Variants in KIAA1217 observed in about 807,000 individuals in gnomAD.
KIAA1217 encodes the protein sickle tail protein homolog.
Under a neutral mutation model 163.9 loss-of-function variants are expected in KIAA1217, and 88 were observed. The observed-to-expected ratio is 0.54, with a 90% confidence interval of 0.45 to 0.64. The LOEUF is 0.64. Among genes scored for constraint, KIAA1217 ranks in the 30% least tolerant of loss-of-function variants. KIAA1217 has a pLI of 0.00. For synonymous variants in KIAA1217, 903 were observed against 923.1 expected, an observed-to-expected ratio of 0.98 and a Z score of 0.39; for missense variants, 2,372 against 2,475.0, an observed-to-expected ratio of 0.96 and a Z score of 0.88.
intron 2 of KIAA1217, among the ~76,000 whole-genome samples, chr10:24,276,687 G>A (rs1312317279): frequency 6.7e-6 from 1 of 150,132 alleles, no homozygotes; most frequent in East Asian, 2.0e-4. Flanking sequence ...TCGGCTCACA[G>A]CAACCTCTGT....
rs1174739602 is a variant in KIAA1217, at chr10:24,546,285, A to C, written c.5793A>C (p.Ser1931=). Residue 1931 remains serine (S), a synonymous_variant, in exon 21 of 21, where the codon TCA becomes TCC. Transcript: ENST00000376454. ...GCTACAAGGCACAGAATGGAAGTTC[A>C]AGCAAAGCCACCCCATCCACAGCAA... ...LTSYKAQNGS[S]SKATPSTAKE... 23 of 1,612,428 alleles carry C rather than the reference A, an allele frequency of 1.4e-5. No individual in the cohort carries two copies. The highest frequency in any genetic ancestry group is 2.0e-5 in the Non-Finnish European group (23 of 1,178,922).
chr10:24,541,339 A>T (rs925343938), intron 17 of KIAA1217, among the ~76,000 whole-genome samples: 23 of 151,934 alleles, frequency 1.5e-4, no homozygotes, highest in African/African-American at 5.3e-4. Flanking sequence ...CTGGGGAGCA[A>T]GCAGAAGTAA....
intron 1 of KIAA1217, among the ~76,000 whole-genome samples, chr10:23,844,540 T>A (rs549873888): frequency 3.3e-5 from 5 of 152,266 alleles, no homozygotes; most frequent in South Asian, 4.1e-4. Flanking sequence ...AGCATTTGTT[T>A]ATGTTCACCA....
intron 2 of KIAA1217, among the ~76,000 whole-genome samples, chr10:24,294,400 C>T (rs910035581): frequency 6.6e-6 from 1 of 152,032 alleles, no homozygotes; most frequent in Non-Finnish European, 1.5e-5. Flanking sequence ...TAGTGGTTTA[C>T]AGACTCCAGT....
chr10:24,520,001 A>G, intron 10 of KIAA1217, 122 bp from the exon 11 acceptor site: 2 of 1,128,138 alleles, frequency 1.8e-6, no homozygotes, highest in Non-Finnish European at 2.5e-6. Context: ...ACCACACGAA[A>G]GGCAGGGGGG....
At chr10:24,207,283 CACA>C (rs2067613484), upstream of KIAA1217, among the ~76,000 whole-genome samples, 7 of 5,612 alleles carry the variant, frequency 1.2e-3, no homozygotes, top group African/African-American at 0.011. Flanking sequence ...CTCTCTCTCT[CACA>C]CACACACACA....
chr10:24,168,853 G>A (rs1453433248), intron 2 of KIAA1217, among the ~76,000 whole-genome samples: 1 of 152,186 alleles, frequency 6.6e-6, no homozygotes, highest in South Asian at 2.1e-4. Context: ...TTAAGCAAAG[G>A]AAACTCCAGA....
intron 2 of KIAA1217, among the ~76,000 whole-genome samples, chr10:24,047,103 C>A (rs571538243): frequency 6.6e-6 from 1 of 152,262 alleles, no homozygotes; most frequent in South Asian, 2.1e-4. Context: ...AAATGCATCA[C>A]AAAACTGTAA....
chr10:24,241,872 A>G (rs2073149324), intron 2 of KIAA1217, among the ~76,000 whole-genome samples: 1 of 152,202 alleles, frequency 6.6e-6, no homozygotes, highest in Non-Finnish European at 1.5e-5. Context: ...AGAATTATTC[A>G]GGTTCCACAC....
At chr10:24,271,962 C>G (rs1249797771) in intron 2 of KIAA1217, among the ~76,000 whole-genome samples, 1 of 152,056 alleles carries the variant, frequency 6.6e-6, no homozygotes, top group Non-Finnish European at 1.5e-5. Flanking sequence ...TTATGCATCT[C>G]CATTTTAGGT....
intron 1 of KIAA1217, among the ~76,000 whole-genome samples, chr10:23,965,767 T>C (rs911129857): frequency 2.0e-5 from 3 of 152,114 alleles, no homozygotes; most frequent in African/African-American, 7.2e-5. Flanking sequence ...TGGAGTTATA[T>C]AGGGCCCAGT....
At chr10:24,047,039 A>G (rs770843073) in intron 2 of KIAA1217, among the ~76,000 whole-genome samples, 2 of 152,260 alleles carry the variant, frequency 1.3e-5, no homozygotes, top group South Asian at 2.1e-4. Context: ...GGATTATTGT[A>G]TCTTAAACAA....
intron 2 of KIAA1217, among the ~76,000 whole-genome samples, chr10:24,287,758 A>G (rs955271638): frequency 6.6e-6 from 1 of 152,234 alleles, no homozygotes; most frequent in Non-Finnish European, 1.5e-5. Flanking sequence ...TCTGCTGTCT[A>G]TCAAATTCAT....
At chr10:24,305,147 G>A (rs749137152) in intron 2 of KIAA1217, among the ~76,000 whole-genome samples, 8 of 152,170 alleles carry the variant, frequency 5.3e-5, no homozygotes, top group East Asian at 1.9e-4. Context: ...AATTAAATAC[G>A]AAAGCAGAAA....
chr10:23,735,063 AT>A (rs1055241564), intron 1 of KIAA1217, among the ~76,000 whole-genome samples: 3 of 152,122 alleles, frequency 2.0e-5, no homozygotes, highest in Non-Finnish European at 2.9e-5. Flanking sequence ...TTTAAAAAAA[AT>A]CGTTATTATT....
intron 1 of KIAA1217, among the ~76,000 whole-genome samples, chr10:23,865,822 A>C (rs539422253): frequency 1.3e-5 from 2 of 152,320 alleles, no homozygotes; most frequent in African/African-American, 4.8e-5. Flanking sequence ...CAATGGGAGA[A>C]GGGACTAAAT....
intron 1 of KIAA1217, among the ~76,000 whole-genome samples, chr10:23,856,009 C>T (rs1405155661): frequency 6.6e-6 from 1 of 152,236 alleles, no homozygotes; most frequent in Non-Finnish European, 1.5e-5. Context: ...CTTCTCTCAA[C>T]TCGTGAAAGT....
intron 3 of KIAA1217, among the ~76,000 whole-genome samples, chr10:24,422,910 T>C (rs2058855627): frequency 6.8e-6 from 1 of 147,498 alleles, no homozygotes; most frequent in Non-Finnish European, 1.5e-5. Context: ...ACTTTTTTTT[T>C]TTTTTTTTTT....
chr10:24,343,139 A>G (rs964712029), intron 2 of KIAA1217, among the ~76,000 whole-genome samples: 2 of 152,162 alleles, frequency 1.3e-5, no homozygotes, highest in African/African-American at 4.8e-5. Context: ...GTCTGTTCAT[A>G]TATCTGGGTA....
Sources: allele counts gnomAD v4.1 joint callset (sites outside exome capture counted in the v4.1 genomes callset), GRCh38; gene constraint gnomAD v4.1.1; transcripts MANE v1.5; gene names NCBI Gene and HGNC (gene_info 2026-07-23, HGNC 2026-07-21).